Variants in DSC3 observed in about 807,000 individuals in gnomAD.
The protein encoded by DSC3 is desmocollin-3.
In DSC3, 97 loss-of-function variants were observed where a neutral mutation model predicts 89.5. That is an observed-to-expected ratio of 1.08 (90% CI 0.92 to 1.28). The LOEUF (loss-of-function observed/expected upper bound fraction) is 1.28, where lower values mean the gene tolerates loss of function less well. Ranked by LOEUF, DSC3 falls within the 50% of genes most tolerant of loss-of-function variation. The pLI, the probability that DSC3 is intolerant of heterozygous loss-of-function variation, is 0.00. For missense variants in DSC3, 1,199 were observed against 1,085.3 expected (o/e 1.10, Z -1.47); for synonymous variants, 436 against 384.1 (o/e 1.14, Z -1.58).
Position 31,008,133 on chromosome 18 carries a change from C to A in DSC3, c.1546G>T (p.Gly516Cys), listed in dbSNP as rs751337817. 3.1e-6 allele frequency: 5 copies of A among 1,611,864 alleles called. No homozygotes were observed. The African/African-American group carries it at 4.0e-5, about 13-fold the overall frequency. Residue 516 changes from glycine (G) to cysteine (C), a missense_variant, in exon 11 of 16, where the codon GGT becomes TGT. Physicochemically the swap from Gly to Cys is radical, Grantham distance 159 (BLOSUM62 -3). Transcript: ENST00000360428. The part of the protein sequence containing the change: ...LRYKKLHDPK[G>C]WITIDEISGS... The stretch of plus-strand genomic sequence containing the variant: ...GAAATTTCATCAATGGTGATCCAAC[C>A]TTTAGGATCATGCAATTTTTTGTAC...
At chr18:31,033,340 G>A (rs1054580907) in intron 1 of DSC3, among the ~76,000 whole-genome samples, 2 of 151,822 alleles carry the variant, frequency 1.3e-5, no homozygotes, top group Non-Finnish European at 2.9e-5. Context: ...AAAACTGAAA[G>A]ACCTATTTAC....
At chr18:31,011,393 T>G (rs931328428) in intron 9 of DSC3, among the ~76,000 whole-genome samples, 1 of 152,206 alleles carries the variant, frequency 6.6e-6, no homozygotes, top group African/African-American at 2.4e-5. Flanking sequence ...CAAGCTTTAT[T>G]CAGCTAAAAG....
chr18:31,031,214 A>AG, intron 2 of DSC3, 42 bp from the exon 3 acceptor site: 1 of 1,366,246 alleles, frequency 7.3e-7, no homozygotes, highest in East Asian at 2.4e-5. Context: ...AAAACACATG[A>AG]GAAAAAAAAA....
At position 30,993,939 on chromosome 18, in the gene DSC3, T is replaced by C; in HGVS notation, c.*236A>G. The C allele has an allele frequency of 2.3e-6, 1 of 429,306 alleles. No individual in the cohort carries two copies. The highest frequency in any genetic ancestry group is 4.3e-6 in the Non-Finnish European group (1 of 235,248). 26.6% of individuals were successfully genotyped at this position (429,306 alleles called of 1,614,324 possible). A position where few individuals can be genotyped will look rare whatever the true frequency, so the allele number is the denominator to read the frequency against. ...TAAAAAAAAAAAAGAGCAGATGCTTTAGAGACCTTAATTCCAGTGCTGGAG... is the reference window on the plus strand; with the variant it reads ...TAAAAAAAAAAAAGAGCAGATGCTTCAGAGACCTTAATTCCAGTGCTGGAG... On this transcript the variant is annotated 3_prime_UTR_variant, in exon 16 of 16. Coordinates refer to ENST00000360428, the MANE Select transcript of DSC3 (RefSeq NM_001941.5).
intron 15 of DSC3, among the ~76,000 whole-genome samples, chr18:30,996,004 A>AAAAAAAAAAAAAAAAAAAAG (rs1380162048): frequency 2.1e-5 from 3 of 143,654 alleles, no homozygotes; most frequent in African/African-American, 8.5e-5. Flanking sequence ...AAAAAAGAAA[A>AAAAAAAAAAAAAAAAAAAAG]GAAAGAAAAA....
At chr18:31,004,107 A>G in intron 13 of DSC3, 35 bp downstream of exon 13, 3 of 1,497,864 alleles carry the variant, frequency 2.0e-6, no homozygotes, top group South Asian at 1.2e-5. Flanking sequence ...ATTTTTTATT[A>G]TATATTTTAA....
At chr18:31,005,548 TG>T (rs551623884) in intron 12 of DSC3, among the ~76,000 whole-genome samples, 101 of 152,302 alleles carry the variant, frequency 6.6e-4, no homozygotes, top group Non-Finnish European at 1.1e-3. Flanking sequence ...CCCAACCTCT[TG>T]GCATTCTTAC....
chr18:31,033,585 C>G (rs1283469097), intron 1 of DSC3, among the ~76,000 whole-genome samples: 1 of 151,942 alleles, frequency 6.6e-6, no homozygotes, highest in Non-Finnish European at 1.5e-5. Context: ...AAACCATACA[C>G]AAAAATTAAC....
In DSC3 at chr18:30,991,384, G is replaced by A. The variant is rs1461102214; in HGVS notation, c.*2791C>T. 6.6e-6 allele frequency: 1 copy of A among 152,440 alleles called. No individual in the cohort carries two copies. Among genetic ancestry groups the A allele is most frequent in the Non-Finnish European group, 1.5e-5 (1 of 67,994 alleles). The allele number at this position is 152,440 out of a possible 1,614,324, so 9.4% of individuals were successfully genotyped here. ...ATAAATTTCACCTTACACATATAAG[G>A]AAATAATAATACTACATATGTGAAA... On this transcript the variant is annotated 3_prime_UTR_variant, in exon 16 of 16. Coordinates refer to ENST00000360428, the MANE Select transcript of DSC3 (RefSeq NM_001941.5).
rs1984363472 is a variant in DSC3, at chr18:30,993,984, C to G, written c.*191G>C. On this transcript the variant is annotated 3_prime_UTR_variant, in exon 16 of 16. Transcript: ENST00000360428. The stretch of plus-strand genomic sequence containing the variant: ...CTGGAGTTTGAGATTTACCAGTTGT[C>G]TGTTTTAACATTTTTCACTTTTTGG... 6 of 549,914 alleles carry G rather than the reference C, an allele frequency of 1.1e-5. No individual in the cohort carries two copies. In the East Asian group the frequency reaches 1.7e-4, roughly 15 times the overall value. 34.1% of individuals were successfully genotyped at this position (549,914 alleles called of 1,614,324 possible).
chr18:31,032,351 A>G (rs1282509277), intron 1 of DSC3, 75 bp from the exon 2 acceptor site: 1 of 1,198,680 alleles, frequency 8.3e-7, no homozygotes, highest in Non-Finnish European at 1.2e-6. Flanking sequence ...AATAGATGTA[A>G]AACAAGCAAC....
intron 12 of DSC3, among the ~76,000 whole-genome samples, chr18:31,005,092 G>A (rs1300771645): frequency 6.6e-6 from 1 of 152,138 alleles, no homozygotes; most frequent in Non-Finnish European, 1.5e-5. Flanking sequence ...ACACACCCTG[G>A]AAGTCATCTG....
Position 30,997,016 on chromosome 18 carries a change from G to T in DSC3, c.2268C>A (p.Thr756=), listed in dbSNP as rs1598596746. The T allele has an allele frequency of 1.2e-6, 2 of 1,614,066 alleles. No homozygotes were observed. The highest frequency in any genetic ancestry group is 4.5e-5 in the East Asian group (2 of 44,878). ...CACAAAAACCTTGGCTAGAGTTGTT[G>T]GTAGTTTGGGTCATAAATCCATTGG... The part of the protein sequence containing the change: ...CSANGFMTQT[T]NNSSQGFCGT... The change falls in exon 15 of 16, where the codon ACC becomes ACA. Residue 756 remains threonine, a synonymous_variant. Coordinates refer to ENST00000360428, the MANE Select transcript of DSC3 (RefSeq NM_001941.5).
Position 30,994,271 on chromosome 18 carries a change from G to C in DSC3, c.2595C>G (p.Gly865=), listed in dbSNP as rs781777997. The change falls in exon 16 of 16, where the codon GGC becomes GGG. Residue 865 remains glycine, a synonymous_variant. Coordinates refer to ENST00000360428, the MANE Select transcript of DSC3 (RefSeq NM_001941.5). ...CTTCTTCCTGCTTTTCACTGCAGCA[G>C]CCCACAGAACCAGCTGGAGATCCTC... ...EGRGSPAGSV[G]CCSEKQEEDG... 3.7e-6 allele frequency: 6 copies of C among 1,614,068 alleles called. No homozygotes were observed. In the Admixed American group the frequency reaches 1.0e-4, roughly 27 times the overall value.
chr18:31,023,060 G>A (rs1038823825), intron 6 of DSC3, among the ~76,000 whole-genome samples: 1 of 152,032 alleles, frequency 6.6e-6, no homozygotes, highest in East Asian at 1.9e-4. Flanking sequence ...CTGATAAAAT[G>A]TGCTTAAAGT....
rs1326638903 is a variant in DSC3, at chr18:31,035,098, A to G, written c.70-2822T>C. On this transcript the variant is annotated intron_variant, in intron 1 of 15. Coordinates refer to ENST00000360428, the MANE Select transcript of DSC3 (RefSeq NM_001941.5). Reference sequence around the variant, plus strand: ...TAATTTCAGCACAATAAAGTGGCATAATAACCACAAAGAAGTATTTTATTT... The same window carrying G: ...TAATTTCAGCACAATAAAGTGGCATGATAACCACAAAGAAGTATTTTATTT... 2.6e-5 allele frequency among the ~76,000 whole-genome samples: 4 copies of G among 152,306 alleles called. No homozygotes were observed. The East Asian group carries it at 7.7e-4, about 29-fold the overall frequency.
chr18:31,003,829 AT>A (rs1984744431), intron 13 of DSC3, among the ~76,000 whole-genome samples: 1 of 152,218 alleles, frequency 6.6e-6, no homozygotes. Context: ...TAAGGCAGAA[AT>A]TTTAGATTGT....
chr18:31,037,343 A>C (rs895695761), intron 1 of DSC3, among the ~76,000 whole-genome samples: 46 of 152,140 alleles, frequency 3.0e-4, no homozygotes, highest in African/African-American at 1.1e-3. Flanking sequence ...TATGTAGTTA[A>C]TCCTGTCGCT....
chr18:31,003,249 C>A (rs1378599216), intron 13 of DSC3, among the ~76,000 whole-genome samples: 1 of 152,208 alleles, frequency 6.6e-6, no homozygotes, highest in East Asian at 1.9e-4. Flanking sequence ...TAATTATTTG[C>A]CTCTCTTTTT....
Sources: gnomAD v4.1 joint callset for allele counts (sites outside exome capture counted in the v4.1 genomes callset) on GRCh38, gnomAD v4.1.1 for gene constraint, MANE v1.5 for transcripts, NCBI Gene and HGNC (gene_info 2026-07-23, HGNC 2026-07-21) for gene names.